Variants in LTBP1 observed in about 807,000 individuals in gnomAD.
The protein encoded by LTBP1 is latent transforming growth factor beta binding protein 1, also known as latent-transforming growth factor beta-binding protein 1.
Under a neutral mutation model 207.6 loss-of-function variants are expected in LTBP1, and 129 were observed. The ratio of observed to expected loss-of-function variants is 0.62; its 90% CI spans 0.54 to 0.72. LTBP1 has a LOEUF of 0.72. Ranked by LOEUF, LTBP1 falls within the 30% of genes least tolerant of loss-of-function variation. The pLI is 0.00. For synonymous variants in LTBP1, 963 were observed against 833.7 expected, an observed-to-expected ratio of 1.16 and a Z score of -2.67; for missense variants, 2,281 against 2,217.2, an observed-to-expected ratio of 1.03 and a Z score of -0.58.
chr2:33,036,880 T>C (rs1265127425), intron 3 of LTBP1, among the ~76,000 whole-genome samples: 1 of 152,236 alleles, frequency 6.6e-6, no homozygotes, highest in Non-Finnish European at 1.5e-5. Flanking sequence ...CATGAAACTT[T>C]TGTTTTTGGA....
chr2:33,160,154 C>T (rs2084338459), intron 5 of LTBP1, among the ~76,000 whole-genome samples: 2 of 152,196 alleles, frequency 1.3e-5, no homozygotes, highest in South Asian at 4.1e-4. Flanking sequence ...GCTAGGATAA[C>T]AGGTATGAGC....
chr2:33,098,975 A>T (rs990595812), intron 3 of LTBP1, among the ~76,000 whole-genome samples: 13 of 152,214 alleles, frequency 8.5e-5, no homozygotes, highest in Non-Finnish European at 1.6e-4. Flanking sequence ...CTGTTGTTCT[A>T]GTATAAGAAG....
intron 15 of LTBP1, 77 bp from the exon 16 acceptor site, chr2:33,273,579 A>G (rs1222180384): frequency 4.1e-6 from 5 of 1,233,292 alleles, no homozygotes; most frequent in Admixed American, 2.7e-5. Context: ...AGGAAACTCA[A>G]AGTAATACTT....
rs34777461 is a variant in LTBP1 at position 33,004,786 on chromosome 2, AATATATATATATATAT to A, written c.566-16109_566-16094del. On this transcript the variant is annotated intron_variant, in intron 2 of 33. Coordinates refer to ENST00000404816, the MANE Select transcript of LTBP1 (RefSeq NM_206943.4). ...TGAGCCTCAGTCTCAAAAAAAAAGG[AATATATATATATATAT>A]ATATATATATATAAACATAAAATTT... Among the ~76,000 whole-genome samples the A allele has an allele frequency of 3.7e-3, 376 of 101,108 alleles. 20 individuals are homozygous for A. The East Asian group carries it at 0.14, about 39-fold the overall frequency. 66.3% of individuals were successfully genotyped at this position (101,108 alleles called of 152,430 possible).
intron 2 of LTBP1, among the ~76,000 whole-genome samples, chr2:32,970,226 G>T (rs927925374): frequency 7.2e-5 from 11 of 152,074 alleles, no homozygotes; most frequent in African/African-American, 2.7e-4. Context: ...TCTGTTTACT[G>T]TGTTGATAGT....
At chr2:33,153,878 G>A (rs1303626995) in intron 5 of LTBP1, among the ~76,000 whole-genome samples, 1 of 152,172 alleles carries the variant, frequency 6.6e-6, no homozygotes, top group Non-Finnish European at 1.5e-5. Flanking sequence ...CCCCAGAGCG[G>A]CATCATTGGC....
chr2:33,230,308 G>C (rs983870362), intron 9 of LTBP1, among the ~76,000 whole-genome samples: 1 of 152,138 alleles, frequency 6.6e-6, no homozygotes, highest in Non-Finnish European at 1.5e-5. Context: ...CAGTAACAAA[G>C]AACCAACTGT....
intron 5 of LTBP1, among the ~76,000 whole-genome samples, chr2:33,141,283 C>T (rs2082628334): frequency 6.6e-6 from 1 of 152,142 alleles, no homozygotes; most frequent in Admixed American, 6.5e-5. Context: ...CCAGGGGTCA[C>T]CCGGGTGGAA....
intron 3 of LTBP1, among the ~76,000 whole-genome samples, chr2:33,107,068 C>T (rs369218316): frequency 3.3e-5 from 5 of 152,164 alleles, no homozygotes; most frequent in African/African-American, 9.7e-5. Context: ...CTTGAACTAC[C>T]GGGTTGTAAC....
chr2:33,392,295 C>T (rs1358550017), intron 32 of LTBP1, among the ~76,000 whole-genome samples: 1 of 151,948 alleles, frequency 6.6e-6, no homozygotes, highest in Non-Finnish European at 1.5e-5. Flanking sequence ...AGTGATTGTC[C>T]TGCCTCAGCC....
chr2:33,347,289 G>C, intron 25 of LTBP1, 78 bp from the exon 26 acceptor site: 1 of 1,552,214 alleles, frequency 6.4e-7, no homozygotes, highest in Non-Finnish European at 8.9e-7. Context: ...GACACTATTA[G>C]CCCTGGCACA....
At chr2:33,045,327 C>T (rs1031097786) in intron 3 of LTBP1, among the ~76,000 whole-genome samples, 37 of 152,126 alleles carry the variant, frequency 2.4e-4, no homozygotes, top group Admixed American at 3.3e-4. Context: ...CCGTTTTCTG[C>T]GTATGGCTAG....
intron 7 of LTBP1, among the ~76,000 whole-genome samples, chr2:33,202,165 G>A (rs1019933259): frequency 2.0e-5 from 3 of 152,114 alleles, no homozygotes; most frequent in Non-Finnish European, 2.9e-5. Context: ...GCTCATTGAA[G>A]TGGAAAGTAT....
At position 33,274,293 on chromosome 2, in the gene LTBP1, T is replaced by G. The variant is rs149844312; in HGVS notation, c.2743+512T>G. Among the ~76,000 whole-genome samples the G allele has an allele frequency of 3.3e-3, 504 of 151,186 alleles. 4 individuals carry two copies. Among genetic ancestry groups the G allele is most frequent in the African/African-American group, 0.012 (485 of 41,294 alleles). ...AAAAGTATCTCAGAAAGATATGCAGTAGAGTTAAATAAATCATTTTAATGT... is the reference window on the plus strand; with the variant it reads ...AAAAGTATCTCAGAAAGATATGCAGGAGAGTTAAATAAATCATTTTAATGT... On this transcript the variant is annotated intron_variant, in intron 16 of 33. Transcript: ENST00000404816.
rs905714902 is a variant in LTBP1, at chr2:33,206,830, G to A, written c.1702-10722G>A. 5.3e-5 allele frequency among the ~76,000 whole-genome samples: 8 copies of A among 151,956 alleles called. No homozygotes were observed. In the East Asian group the frequency reaches 1.4e-3, roughly 26 times the overall value. On this transcript the variant is annotated intron_variant, in intron 7 of 33. Coordinates refer to ENST00000404816, the MANE Select transcript of LTBP1 (RefSeq NM_206943.4). ...GGTTGCTATGGTGATAGTAATCATG[G>A]CTATATGCACATCTTTATTCCCTCT... is the stretch of plus-strand genomic sequence containing the variant.
At chr2:33,010,111 G>A (rs1402562782) in intron 2 of LTBP1, among the ~76,000 whole-genome samples, 2 of 152,280 alleles carry the variant, frequency 1.3e-5, no homozygotes, top group East Asian at 1.9e-4. Flanking sequence ...GCCATGGGGG[G>A]ACATGGGGAG....
rs894838738 is a variant in LTBP1, at chr2:33,363,265, T to A, written c.4271-125T>A. ...TTTAAGAAGGTTATATTGCTGTTTG[T>A]GTAGGATTCTTTGGAATGTAAATAT... On this transcript the variant is annotated intron_variant, in intron 28 of 33. Coordinates refer to ENST00000404816, the MANE Select transcript of LTBP1 (RefSeq NM_206943.4). 4.4e-5 allele frequency: 40 copies of A among 905,072 alleles called. 1 individual carries two copies. In the Middle Eastern group the frequency reaches 3.4e-3, roughly 77 times the overall value. 56.1% of individuals were successfully genotyped at this position (905,072 alleles called of 1,614,324 possible).
intron 18 of LTBP1, among the ~76,000 whole-genome samples, chr2:33,277,233 G>A (rs983105886): frequency 9.2e-5 from 14 of 152,140 alleles, no homozygotes; most frequent in African/African-American, 3.4e-4. Context: ...TGCCCCTTGG[G>A]TTCTAATCTA....
At chr2:32,974,195 G>A (rs907579889) in intron 2 of LTBP1, among the ~76,000 whole-genome samples, 6 of 152,144 alleles carry the variant, frequency 3.9e-5, no homozygotes, top group African/African-American at 1.2e-4. Context: ...CCATAGTGTT[G>A]TGCTAATTTA....
Sources: allele counts gnomAD v4.1 joint callset (sites outside exome capture counted in the v4.1 genomes callset), GRCh38; gene constraint gnomAD v4.1.1; transcripts MANE v1.5; gene names NCBI Gene and HGNC (gene_info 2026-07-23, HGNC 2026-07-21).